Variants in CFAP44 observed in about 807,000 individuals in gnomAD.
CFAP44 encodes the protein cilia and flagella associated protein 44, also known as cilia- and flagella-associated protein 44.
In CFAP44, 134 loss-of-function variants were observed where a neutral mutation model predicts 216.2. The ratio of observed to expected loss-of-function variants is 0.62; its 90% CI spans 0.54 to 0.72. CFAP44 has a LOEUF of 0.72. Ranked by LOEUF, CFAP44 falls within the 30% of genes least tolerant of loss-of-function variation. The pLI is 0.00. For synonymous variants in CFAP44, 700 were observed against 727.6 expected (o/e 0.96, Z 0.61); for missense variants, 2,035 against 2,182.1 (o/e 0.93, Z 1.34).
chr3:113,406,167 T>C (rs573027093), intron 8 of CFAP44, among the ~76,000 whole-genome samples: 138 of 152,306 alleles, frequency 9.1e-4, no homozygotes, highest in Non-Finnish European at 1.4e-3. Flanking sequence ...TATTAAAGAA[T>C]AAATTAACAG....
chr3:113,306,210 C>T lies in CFAP44; in HGVS notation c.4749G>A (p.Leu1583=). The T allele has an allele frequency of 6.5e-7, 1 of 1,534,776 alleles. No individual in the cohort carries two copies. Among genetic ancestry groups the T allele is most frequent in the Non-Finnish European group, 8.7e-7 (1 of 1,145,994 alleles). The stretch of plus-strand genomic sequence containing the variant: ...AAACAGATCACCATACTTTTTTTGA[C>T]AATGTATCATATTCCTTTTTGAGGT... ...VDNLKKEYDT[L]SKKVKIVATN... is the part of the protein sequence containing the mutation. The change falls in exon 30 of 35, where the codon TTG becomes TTA. Residue 1583 remains leucine (L), a synonymous_variant. Transcript: ENST00000393845.
chr3:113,323,439 G>A (rs1314458330), intron 28 of CFAP44, among the ~76,000 whole-genome samples: 2 of 152,074 alleles, frequency 1.3e-5, no homozygotes, highest in African/African-American at 2.4e-5. Context: ...CATAAGCACG[G>A]GAACAACAGA....
chr3:113,399,002 A>C (rs1934066151), intron 13 of CFAP44, among the ~76,000 whole-genome samples: 2 of 152,172 alleles, frequency 1.3e-5, no homozygotes, highest in Non-Finnish European at 2.9e-5. Context: ...CTGCCTTTAC[A>C]GTTGGAACAC....
At chr3:113,303,536 G>A (rs1425163374) in intron 32 of CFAP44, among the ~76,000 whole-genome samples, 1 of 152,154 alleles carries the variant, frequency 6.6e-6, no homozygotes, top group East Asian at 1.9e-4. Context: ...ATATGTATGT[G>A]TGCATACCTG....
chr3:113,378,677 C>A (rs927502561), intron 17 of CFAP44, among the ~76,000 whole-genome samples: 1 of 152,114 alleles, frequency 6.6e-6, no homozygotes, highest in Admixed American at 6.6e-5. Context: ...ATATTTCAAG[C>A]AAATAGTAAA....
chr3:113,315,150 T>C (rs1485645504), intron 28 of CFAP44, among the ~76,000 whole-genome samples: 1 of 151,628 alleles, frequency 6.6e-6, no homozygotes, highest in Non-Finnish European at 1.5e-5. Flanking sequence ...CCAGGGTGAA[T>C]GAAAAACATT....
intron 1 of CFAP44, among the ~76,000 whole-genome samples, chr3:113,437,096 T>C (rs2107422039): frequency 6.6e-6 from 1 of 152,344 alleles, no homozygotes; most frequent in Admixed American, 6.5e-5. Context: ...CCCTGCTTTC[T>C]TGCTGGCTGT....
At chr3:113,424,475 T>G (rs768370329) in intron 4 of CFAP44, among the ~76,000 whole-genome samples, 3 of 151,944 alleles carry the variant, frequency 2.0e-5, no homozygotes, top group Non-Finnish European at 2.9e-5. Flanking sequence ...AAAACTGAAG[T>G]AGAATCAATA....
chr3:113,359,599 T>C (rs1406243290), intron 21 of CFAP44, among the ~76,000 whole-genome samples: 1 of 152,206 alleles, frequency 6.6e-6, no homozygotes, highest in Non-Finnish European at 1.5e-5. Context: ...TTTAACTATT[T>C]TGACCTGGTT....
intron 34 of CFAP44, among the ~76,000 whole-genome samples, chr3:113,292,491 T>G (rs763076778): frequency 6.6e-6 from 1 of 152,234 alleles, no homozygotes; most frequent in Non-Finnish European, 1.5e-5. Context: ...TTTGAATGCA[T>G]GAATACATCT....
chr3:113,293,435 T>TTTGGGGATTAAATGAAA (rs71814518), intron 34 of CFAP44, among the ~76,000 whole-genome samples: 5,049 of 152,258 alleles, frequency 0.033, 255 homozygotes, highest in African/African-American at 0.11. Context: ...AAAGTACTGT[T>TTTGGGGATTAAATGAAA]TTGGGGATTA....
chr3:113,426,019 A>T, intron 4 of CFAP44, 105 bp downstream of exon 4: 9 of 1,379,380 alleles, frequency 6.5e-6, no homozygotes, highest in Non-Finnish European at 8.9e-6. Context: ...TGATTTACCA[A>T]AACAGGTGGG....
intron 2 of CFAP44, among the ~76,000 whole-genome samples, chr3:113,432,533 C>T (rs1254871137): frequency 1.3e-5 from 2 of 152,104 alleles, no homozygotes; most frequent in Admixed American, 1.3e-4. Flanking sequence ...TGATATTTAC[C>T]TCCATATATC....
chr3:113,341,717 T>C (rs1950334611), intron 24 of CFAP44, 27 bp downstream of exon 24: 2 of 1,452,844 alleles, frequency 1.4e-6, no homozygotes, highest in South Asian at 1.5e-5. Flanking sequence ...ATTAAAAAGA[T>C]AAGAGTTTAG....
Position 113,382,987 on chromosome 3 carries a change from C to A in CFAP44, c.1891-1927G>T, listed in dbSNP as rs115758280. Among the ~76,000 whole-genome samples, 700 of 152,318 alleles carry A rather than the reference C, an allele frequency of 4.6e-3. 6 individuals carry two copies. The highest frequency in any genetic ancestry group is 0.016 in the African/African-American group (678 of 41,578). On this transcript the variant is annotated intron_variant, in intron 15 of 34. Transcript: ENST00000393845. ...AACGATTTCATGGATTATGTCCAGG[C>A]CATTTTAATCACTAAATTATAGAGG... is the stretch of plus-strand genomic sequence containing the variant.
intron 12 of CFAP44, 26 bp from the exon 13 acceptor site, chr3:113,400,026 A>T: frequency 1.4e-6 from 2 of 1,452,526 alleles, no homozygotes; most frequent in South Asian, 2.9e-5. Context: ...TTTAAAAGAA[A>T]AAAAATTATA....
At chr3:113,331,971 G>A (rs987889891) in intron 25 of CFAP44, among the ~76,000 whole-genome samples, 12 of 152,090 alleles carry the variant, frequency 7.9e-5, no homozygotes, top group Admixed American at 1.3e-4. Context: ...AAAAGGCTTA[G>A]GGAGATTTAT....
intron 22 of CFAP44, among the ~76,000 whole-genome samples, chr3:113,357,481 T>C (rs1322143001): frequency 6.6e-6 from 1 of 152,064 alleles, no homozygotes; most frequent in Admixed American, 6.6e-5. Context: ...GAGAGATGGA[T>C]TCATCAGCCA....
intron 2 of CFAP44, 63 bp downstream of exon 2, chr3:113,433,502 T>C (rs1935161514): frequency 1.1e-6 from 1 of 871,372 alleles, no homozygotes; most frequent in South Asian, 1.6e-5. Flanking sequence ...CTATAAAAAT[T>C]AATTATTTAA....
Sources: gnomAD v4.1 joint callset for allele counts (sites outside exome capture counted in the v4.1 genomes callset) on GRCh38, gnomAD v4.1.1 for gene constraint, MANE v1.5 for transcripts, NCBI Gene and HGNC (gene_info 2026-07-23, HGNC 2026-07-21) for gene names.